GNAT3: variants seen among roughly 807,000 people sequenced by gnomAD.
GNAT3 encodes the protein guanine nucleotide-binding protein G(t) subunit alpha-3.
Under a neutral mutation model 37.7 loss-of-function variants are expected in GNAT3, and 31 were observed. The observed-to-expected ratio is 0.82, with a 90% CI of 0.62 to 1.11. The LOEUF is 1.11. GNAT3 is among the 50% of genes most tolerant of loss of function. The probability of loss-of-function intolerance (pLI) is 0.00; values close to 1 mark genes in which losing one functional copy is unlikely to be tolerated. For missense variants in GNAT3, 437 were observed against 412.5 expected, an observed-to-expected ratio of 1.06 and a Z score of -0.51; for synonymous variants, 138 against 139.8, an observed-to-expected ratio of 0.99 and a Z score of 0.09.
chr7:80,494,519 G>A (rs1358346919), intron 2 of GNAT3, 86 bp downstream of exon 2: 4 of 722,754 alleles, frequency 5.5e-6, no homozygotes, highest in Non-Finnish European at 9.5e-6. Flanking sequence ...TTGTCAATCA[G>A]CATTTACAAA....
intron 3 of GNAT3, among the ~76,000 whole-genome samples, chr7:80,483,844 G>A (rs1374246316): frequency 1.3e-5 from 2 of 152,046 alleles, no homozygotes; most frequent in Non-Finnish European, 2.9e-5. Flanking sequence ...ATAACACCCT[G>A]TGGATTTGAG....
intron 1 of GNAT3, among the ~76,000 whole-genome samples, chr7:80,508,387 T>TTAAA (rs550708083): frequency 5.7e-4 from 86 of 152,030 alleles, no homozygotes; most frequent in Non-Finnish European, 1.1e-3. Context: ...GAGTTTACAA[T>TTAAA]TAAATAATAG....
intron 5 of GNAT3, among the ~76,000 whole-genome samples, chr7:80,465,639 G>T (rs538877805): frequency 6.6e-6 from 1 of 152,218 alleles, no homozygotes; most frequent in Admixed American, 6.6e-5. Flanking sequence ...ACTAGTACTA[G>T]TGCCTGCAGT....
chr7:80,493,699 CCTCTTTGTTCCTCCTCCTT>C (rs1475452646), intron 2 of GNAT3, among the ~76,000 whole-genome samples: 7 of 123,950 alleles, frequency 5.6e-5, no homozygotes, highest in Non-Finnish European at 1.0e-4. Flanking sequence ...TCCTCCTCCT[CCTCTTTGTTCCTCCTCCTT>C]CTCTTTCCTC....
chr7:80,462,133 A>G lies in GNAT3; in HGVS notation c.874+26T>C, dbSNP rs200076914. 7.4e-5 allele frequency: 105 copies of G among 1,427,514 alleles called. No individual in the cohort carries two copies. The Middle Eastern group carries it at 3.7e-3, about 50-fold the overall frequency. The allele number at this position is 1,427,514 out of a possible 1,614,324, so 88.4% of individuals were successfully genotyped here. A position where few individuals can be genotyped will look rare whatever the true frequency, so the allele number is the denominator to read the frequency against. On this transcript the variant is annotated intron_variant, in intron 7 of 7. Coordinates refer to ENST00000398291, the MANE Select transcript of GNAT3 (RefSeq NM_001102386.3). ...TATATTTATACAAAAATTTATTTCT[A>G]TGGAACTAAAAGAAAAAAATCTTAC... is the stretch of plus-strand genomic sequence containing the variant.
chr7:80,489,283 A>G (rs143318555), intron 2 of GNAT3, among the ~76,000 whole-genome samples: 15 of 152,276 alleles, frequency 9.9e-5, no homozygotes, highest in African/African-American at 3.6e-4. Flanking sequence ...CCTTCCACTC[A>G]TTCAGCCAAA....
intron 1 of GNAT3, among the ~76,000 whole-genome samples, chr7:80,508,886 C>T (rs988714989): frequency 6.6e-6 from 1 of 151,868 alleles, no homozygotes; most frequent in Admixed American, 6.6e-5. Flanking sequence ...AGATGAAGAT[C>T]AACATACTGA....
chr7:80,468,187 A>C (rs1017146825), intron 5 of GNAT3, among the ~76,000 whole-genome samples: 1 of 152,074 alleles, frequency 6.6e-6, no homozygotes, highest in African/African-American at 2.4e-5. Context: ...TGAGTTTTAC[A>C]GTTCTAGTAA....
At chr7:80,500,508 T>A (rs1488238086) in intron 1 of GNAT3, among the ~76,000 whole-genome samples, 1 of 152,088 alleles carries the variant, frequency 6.6e-6, no homozygotes, top group Non-Finnish European at 1.5e-5. Flanking sequence ...AAATCCCTGA[T>A]AGGAGTATTG....
intron 2 of GNAT3, among the ~76,000 whole-genome samples, chr7:80,494,319 T>G (rs185631821): frequency 6.6e-6 from 1 of 152,314 alleles, no homozygotes; most frequent in Admixed American, 6.5e-5. Flanking sequence ...AATGATCAGA[T>G]TATAAAGTCC....
At chr7:80,506,674 C>A (rs1247064850) in intron 1 of GNAT3, among the ~76,000 whole-genome samples, 5 of 152,142 alleles carry the variant, frequency 3.3e-5, no homozygotes, top group African/African-American at 1.2e-4. Flanking sequence ...CAGTTTTAAA[C>A]ATTCGCATTA....
chr7:80,484,860 G>A (rs1350031927), intron 3 of GNAT3, among the ~76,000 whole-genome samples: 1 of 151,998 alleles, frequency 6.6e-6, no homozygotes, highest in Non-Finnish European at 1.5e-5. Flanking sequence ...CTTGGCTATA[G>A]GTCCTGAAAT....
intron 1 of GNAT3, among the ~76,000 whole-genome samples, chr7:80,510,176 G>A (rs1305781968): frequency 6.6e-6 from 1 of 151,916 alleles, no homozygotes; most frequent in Non-Finnish European, 1.5e-5. Flanking sequence ...TTTCTACCTT[G>A]TTCTTTTCCG....
intron 2 of GNAT3, 90 bp downstream of exon 2, chr7:80,494,515 A>G (rs1790677100): frequency 2.8e-6 from 2 of 710,584 alleles, no homozygotes; most frequent in Non-Finnish European, 4.8e-6. Context: ...AAGATTGTCA[A>G]TCAGCATTTA....
At chr7:80,468,521 A>G (rs1790159686) in intron 5 of GNAT3, among the ~76,000 whole-genome samples, 1 of 152,066 alleles carries the variant, frequency 6.6e-6, no homozygotes. Context: ...ATTCTATTGA[A>G]TGGGATTTAT....
chr7:80,463,941 G>C (rs1214870253), intron 5 of GNAT3, among the ~76,000 whole-genome samples: 2 of 151,256 alleles, frequency 1.3e-5, no homozygotes, highest in African/African-American at 4.9e-5. Context: ...GGAACATAAA[G>C]AATAAGGTAA....
At chr7:80,463,437 CA>C (rs1315195427) in intron 5 of GNAT3, among the ~76,000 whole-genome samples, 1 of 152,142 alleles carries the variant, frequency 6.6e-6, no homozygotes, top group African/African-American at 2.4e-5. Context: ...CTTTCACACA[CA>C]GTCTCTTTCC....
chr7:80,511,645 A>C (rs1213008549), intron 1 of GNAT3, among the ~76,000 whole-genome samples, 164 bp downstream of exon 1: 1 of 139,756 alleles, frequency 7.2e-6, no homozygotes, highest in Non-Finnish European at 1.5e-5. Flanking sequence ...AAAAATTATT[A>C]AATATTGATA....
At chr7:80,511,178 A>G (rs2116241139) in intron 1 of GNAT3, among the ~76,000 whole-genome samples, 1 of 151,304 alleles carries the variant, frequency 6.6e-6, no homozygotes, top group African/African-American at 2.4e-5. Flanking sequence ...TGAAAGAAGG[A>G]AAAAAAAATA....
Sources: allele counts gnomAD v4.1 joint callset (sites outside exome capture counted in the v4.1 genomes callset), GRCh38; gene constraint gnomAD v4.1.1; transcripts MANE v1.5; gene names NCBI Gene and HGNC (gene_info 2026-07-23, HGNC 2026-07-21).